The following TMEM132D variants were observed in gnomAD, a reference collection of about 807,000 sequenced individuals.
TMEM132D encodes transmembrane protein 132D.
A neutral mutation model predicts 62.3 loss-of-function variants in TMEM132D; 21 were observed. The observed-to-expected ratio is 0.34, with a 90% CI of 0.24 to 0.49. The LOEUF (loss-of-function observed/expected upper bound fraction) is 0.49. Ranked by LOEUF, TMEM132D falls within the 20% of genes least tolerant of loss-of-function variation. The probability of loss-of-function intolerance (pLI) is 0.99; values close to 1 mark genes in which losing one functional copy is unlikely to be tolerated. For missense variants in TMEM132D, 1,346 were observed against 1,402.8 expected, an observed-to-expected ratio of 0.96 and a Z score of 0.65; for synonymous variants, 621 against 575.6, an observed-to-expected ratio of 1.08 and a Z score of -1.13.
intron 3 of TMEM132D, among the ~76,000 whole-genome samples, chr12:129,364,315 G>A (rs1340511303): frequency 6.6e-6 from 1 of 152,134 alleles, no homozygotes; most frequent in Non-Finnish European, 1.5e-5. Context: ...GTGTGCAGAT[G>A]GTACACTGAA....
Position 129,502,764 on chromosome 12 carries a change from T to C in TMEM132D, c.1115+28295A>G, listed in dbSNP as rs77001349. 9.7e-3 allele frequency among the ~76,000 whole-genome samples: 1,474 copies of C among 152,308 alleles called. 33 individuals are homozygous for C. Among genetic ancestry groups the C allele is most frequent in the East Asian group, 0.062 (318 of 5,168 alleles). On this transcript the variant is annotated intron_variant, in intron 3 of 8. Coordinates refer to ENST00000422113, the MANE Select transcript of TMEM132D (RefSeq NM_133448.3). ...CATTGATATTCATTGGACCTAAATA[T>C]ATCACTCACTCGTCTACAGACCAAT...
In TMEM132D at chr12:129,654,551, C is replaced by A. The variant is rs78627724; in HGVS notation, c.968+45259G>T. Among the ~76,000 whole-genome samples, 782 of 152,240 alleles carry A rather than the reference C, an allele frequency of 5.1e-3. 8 individuals are homozygous for A. Among genetic ancestry groups the A allele is most frequent in the African/African-American group, 0.018 (748 of 41,534 alleles). On this transcript the variant is annotated intron_variant, in intron 2 of 8. Transcript: ENST00000422113. ...ACTATTTCAACCCCACTGAAAAATG[C>A]ATAATCAATATCTATGTTTACATTT...
At chr12:129,543,579 T>G (rs1876651975) in intron 2 of TMEM132D, among the ~76,000 whole-genome samples, 1 of 152,164 alleles carries the variant, frequency 6.6e-6, no homozygotes, top group Non-Finnish European at 1.5e-5. Context: ...AGCCTAAAGT[T>G]TGGCAAAATC....
At position 129,106,762 on chromosome 12, in the gene TMEM132D, C is replaced by T. The variant is rs553469419; in HGVS notation, c.1444-22060G>A. On this transcript the variant is annotated intron_variant, in intron 5 of 8. Coordinates refer to ENST00000422113, the MANE Select transcript of TMEM132D (RefSeq NM_133448.3). ...GTGGGAGTAGAAGCGATGGGTGTCA[C>T]CTCTGATTGGAAACACTTAAGAGCC... Among the ~76,000 whole-genome samples, 13 of 152,258 alleles carry T rather than the reference C, an allele frequency of 8.5e-5. No homozygotes were observed. The South Asian group carries it at 2.7e-3, about 32-fold the overall frequency.
chr12:129,626,238 TC>T (rs926004958), intron 2 of TMEM132D, among the ~76,000 whole-genome samples: 2 of 152,178 alleles, frequency 1.3e-5, no homozygotes, highest in African/African-American at 4.8e-5. Context: ...TGCACTATTC[TC>T]CAAACTTATT....
intron 3 of TMEM132D, among the ~76,000 whole-genome samples, chr12:129,477,424 G>C (rs966003726): frequency 6.6e-6 from 1 of 152,190 alleles, no homozygotes; most frequent in African/African-American, 2.4e-5. Flanking sequence ...ATTTGTTAAA[G>C]TGTCCCTTTT....
intron 1 of TMEM132D, among the ~76,000 whole-genome samples, chr12:129,704,609 C>T (rs1881459534): frequency 6.6e-6 from 1 of 152,188 alleles, no homozygotes; most frequent in Admixed American, 6.5e-5. Context: ...ACAGAAGGCA[C>T]CTTGGAGCAA....
chr12:129,310,033 A>AGAAAATCTAGATGAGGGCTGGCCGAGGAG (rs1157089619), intron 4 of TMEM132D, among the ~76,000 whole-genome samples: 6 of 152,138 alleles, frequency 3.9e-5, no homozygotes, highest in Non-Finnish European at 7.3e-5. Context: ...TGCTACAGCC[A>AGAAAATCTAGATGAGGGCTGGCCGAGGAG]GAAAATCTAG....
intron 1 of TMEM132D, among the ~76,000 whole-genome samples, chr12:129,848,646 T>A (rs1230212665): frequency 2.0e-5 from 3 of 152,238 alleles, no homozygotes; most frequent in Non-Finnish European, 4.4e-5. Context: ...CACTTTGGTC[T>A]TTTCACTGGG....
intron 1 of TMEM132D, among the ~76,000 whole-genome samples, chr12:129,842,949 A>G (rs908897727): frequency 2.0e-5 from 3 of 152,248 alleles, no homozygotes; most frequent in African/African-American, 7.2e-5. Context: ...GTAAAATTTT[A>G]TGATAAAATA....
intron 4 of TMEM132D, among the ~76,000 whole-genome samples, chr12:129,327,400 C>A (rs988631108): frequency 3.3e-5 from 5 of 152,200 alleles, no homozygotes; most frequent in African/African-American, 1.2e-4. Context: ...ACCTGATAGC[C>A]ACTAGCACAC....
At position 129,228,454 on chromosome 12, in the gene TMEM132D, A is replaced by G. The variant is rs1166103960; in HGVS notation, c.1300-18791T>C. 2.0e-5 allele frequency among the ~76,000 whole-genome samples: 3 copies of G among 151,660 alleles called. No homozygotes were observed. In the East Asian group the frequency reaches 5.8e-4, roughly 29 times the overall value. ...AGATACGTGCAGTATTACCACAGTC[A>G]ATTTTTGAACATTTTTATTGCCTTA... On this transcript the variant is annotated intron_variant, in intron 4 of 8. Transcript: ENST00000422113.
intron 3 of TMEM132D, among the ~76,000 whole-genome samples, chr12:129,480,780 T>A (rs1874406685): frequency 6.6e-6 from 1 of 152,298 alleles, no homozygotes; most frequent in African/African-American, 2.4e-5. Context: ...CTGTTGTAAC[T>A]GGAAAAACTT....
intron 4 of TMEM132D, among the ~76,000 whole-genome samples, chr12:129,296,081 C>CATAT (rs199662761): frequency 3.3e-5 from 5 of 151,406 alleles, no homozygotes; most frequent in African/African-American, 9.7e-5. Flanking sequence ...CACACACACA[C>CATAT]ACACATATAT....
chr12:129,565,502 G>A (rs541747371), intron 2 of TMEM132D, among the ~76,000 whole-genome samples: 3 of 152,342 alleles, frequency 2.0e-5, no homozygotes, highest in South Asian at 2.1e-4. Context: ...AGGGTATCAT[G>A]AGGCAGGTGC....
At chr12:129,726,900 G>A (rs1479004944) in intron 1 of TMEM132D, among the ~76,000 whole-genome samples, 4 of 152,188 alleles carry the variant, frequency 2.6e-5, no homozygotes, top group Non-Finnish European at 2.9e-5. Context: ...TCAAGTGAGA[G>A]GAGTGAGCTA....
At chr12:129,626,735 C>T (rs187133959) in intron 2 of TMEM132D, among the ~76,000 whole-genome samples, 4 of 152,254 alleles carry the variant, frequency 2.6e-5, no homozygotes, top group South Asian at 2.1e-4. Flanking sequence ...GAATTACATG[C>T]GTGAGCCACC....
chr12:129,783,770 C>T (rs1278969267), intron 1 of TMEM132D, among the ~76,000 whole-genome samples: 1 of 152,160 alleles, frequency 6.6e-6, no homozygotes, highest in Non-Finnish European at 1.5e-5. Context: ...GCAGGAGTAA[C>T]ATCTGTGATA....
At chr12:129,743,602 C>G (rs1479121922) in intron 1 of TMEM132D, among the ~76,000 whole-genome samples, 2 of 150,286 alleles carry the variant, frequency 1.3e-5, no homozygotes, top group Non-Finnish European at 3.0e-5. Flanking sequence ...TGAGAATGGA[C>G]TAATGCATCC....
Sources: gnomAD v4.1 joint callset for allele counts (sites outside exome capture counted in the v4.1 genomes callset) on GRCh38, gnomAD v4.1.1 for gene constraint, MANE v1.5 for transcripts, NCBI Gene and HGNC (gene_info 2026-07-23, HGNC 2026-07-21) for gene names.